The following NASP variants were observed in gnomAD, a reference collection of about 807,000 sequenced individuals.
NASP encodes the protein nuclear autoantigenic sperm protein, also known as NASP histone chaperone.
Under a neutral mutation model 89.5 loss-of-function variants are expected in NASP, and 24 were observed. That is an observed-to-expected ratio of 0.27 (90% CI 0.19 to 0.38). The LOEUF (loss-of-function observed/expected upper bound fraction) is 0.38, where lower values mean the gene tolerates loss of function less well. Among genes scored for constraint, NASP ranks in the 10% least tolerant of loss-of-function variants. The pLI is 1.00. For missense variants in NASP, 848 were observed against 921.4 expected, an observed-to-expected ratio of 0.92 and a Z score of 1.03; for synonymous variants, 306 against 324.7, an observed-to-expected ratio of 0.94 and a Z score of 0.62.
intron 8 of NASP, 49 bp from the exon 9 acceptor site, chr1:45,614,244 G>A (rs1266579263): frequency 1.3e-6 from 2 of 1,592,570 alleles, no homozygotes; most frequent in South Asian, 1.1e-5. Context: ...AAACCAGTTA[G>A]GGTTAGACAG....
In NASP at chr1:45,616,016, A is replaced by G. The variant is rs140233586; in HGVS notation, c.2023-321A>G. Reference sequence around the variant, plus strand: ...AATGTAAGTTGCTATTTCCATCTCCAAGAACTCATTTGCATAAATTAATGA... The same window carrying G: ...AATGTAAGTTGCTATTTCCATCTCCGAGAACTCATTTGCATAAATTAATGA... On this transcript the variant is annotated intron_variant, in intron 11 of 14. Coordinates refer to ENST00000350030, the MANE Select transcript of NASP (RefSeq NM_002482.4). Among the ~76,000 whole-genome samples the G allele has an allele frequency of 1.8e-4, 28 of 152,368 alleles. 1 individual carries two copies. The East Asian group carries it at 5.2e-3, about 28-fold the overall frequency.
At chr1:45,601,743 G>GA (rs1557657071) in intron 2 of NASP, among the ~76,000 whole-genome samples, 1 of 100,156 alleles carries the variant, frequency 1.0e-5, no homozygotes, top group Non-Finnish European at 2.1e-5. Context: ...GCCGTTAAGA[G>GA]AATTTTTTTT....
intron 2 of NASP, 24 bp downstream of exon 2, chr1:45,591,294 A>G: frequency 7.0e-7 from 1 of 1,426,370 alleles, no homozygotes; most frequent in Non-Finnish European, 9.6e-7. Context: ...CATGGTAGTT[A>G]GATTCGTATC....
Position 45,607,764 on chromosome 1 carries a change from A to G in NASP, c.853A>G (p.Thr285Ala). 1 of 1,614,066 alleles carries G rather than the reference A, an allele frequency of 6.2e-7. No individual in the cohort carries two copies. Among genetic ancestry groups the G allele is most frequent in the Non-Finnish European group, 8.5e-7 (1 of 1,180,002 alleles). Residue 285 changes from threonine to alanine, a missense_variant, in exon 6 of 15, where the codon ACT (threonine) becomes GCT (alanine). Around this residue, in one of 5 missense-constraint regions of NASP, gnomAD observed 464 missense variants for 469.4 expected, o/e 0.99. Transcript: ENST00000350030. ...KEVSEEQPVV[T>A]LEKQGTAVEV... ...AGTTTCAGAAGAGCAGCCTGTGGTG[A>G]CTCTAGAAAAGCAGGGCACTGCAGT...
chr1:45,609,778 G>A (rs1405135278), intron 6 of NASP: 1 of 152,176 alleles, frequency 6.6e-6, no homozygotes, highest in Non-Finnish European at 1.5e-5. Context: ...AGGTTTAAAG[G>A]TTACATGACT....
Position 45,591,248 on chromosome 1 carries a change from A to T in NASP, c.85A>T (p.Thr29Ser). 1 of 1,547,744 alleles carries T rather than the reference A, an allele frequency of 6.5e-7. No individual in the cohort carries two copies. The highest frequency in any genetic ancestry group is 2.1e-5 in the Admixed American group (1 of 47,102). Reference sequence around the variant, plus strand: ...AATTGAAGATGTTCCTGCTCCTTCTACATCTGCAGATAAAGTGGAGAGGTA... The same window carrying T: ...AATTGAAGATGTTCCTGCTCCTTCTTCATCTGCAGATAAAGTGGAGAGGTA... ...DKIEDVPAPSTSADKVESLDV... is the reference protein window; with the variant it reads ...DKIEDVPAPSSSADKVESLDV... Residue 29 changes from threonine (T) to serine (S), a missense_variant, in exon 2 of 15, where the codon ACA (threonine) becomes TCA (serine). Physicochemically the swap from Thr to Ser is moderately conservative, Grantham distance 58. Coordinates refer to ENST00000350030, the MANE Select transcript of NASP (RefSeq NM_002482.4).
chr1:45,613,148 C>G (rs924376280), intron 6 of NASP, 21 bp from the exon 7 acceptor site: 10 of 1,597,738 alleles, frequency 6.3e-6, no homozygotes, highest in Non-Finnish European at 7.7e-6. Context: ...ATTCTCAATA[C>G]TGAGGAATTT....
intron 1 of NASP, among the ~76,000 whole-genome samples, chr1:45,587,688 A>ATATATATAT (rs1553169240): frequency 1.5e-3 from 26 of 17,470 alleles, no homozygotes; most frequent in Non-Finnish European, 1.9e-3. Context: ...ATATATATAT[A>ATATATATAT]ATTAATTTTT....
chr1:45,594,765 G>A (rs566492028), intron 2 of NASP: 22 of 453,552 alleles, frequency 4.9e-5, no homozygotes, highest in South Asian at 3.4e-4. Flanking sequence ...TGAAGTGCTG[G>A]GATTACAGGT....
intron 2 of NASP, among the ~76,000 whole-genome samples, chr1:45,595,644 A>C (rs577730786): frequency 6.6e-6 from 1 of 152,364 alleles, no homozygotes; most frequent in East Asian, 1.9e-4. Context: ...GTGATTGTGC[A>C]AAAGTAATGG....
At position 45,608,055 on chromosome 1, in the gene NASP, G is replaced by A. The variant is rs746890849; in HGVS notation, c.1144G>A (p.Gly382Arg). ...TCTCCCTAAGGATGGTGCAGTCAATGGACCGTCAGTTGTAGGAGATCAGAC... is the reference window on the plus strand; with the variant it reads ...TCTCCCTAAGGATGGTGCAGTCAATAGACCGTCAGTTGTAGGAGATCAGAC... ...PVLPKDGAVNGPSVVGDQTPI... is the reference protein window; with the variant it reads ...PVLPKDGAVNRPSVVGDQTPI... Residue 382 changes from glycine to arginine, a missense_variant, in exon 6 of 15, where the codon GGA becomes AGA. Coordinates refer to ENST00000350030, the MANE Select transcript of NASP (RefSeq NM_002482.4). 5 of 1,613,984 alleles carry A rather than the reference G, an allele frequency of 3.1e-6. No homozygotes were observed. Among genetic ancestry groups the A allele is most frequent in the Admixed American group, 1.7e-5 (1 of 60,020 alleles).
intron 3 of NASP, among the ~76,000 whole-genome samples, chr1:45,603,842 C>T (rs1643880452): frequency 6.6e-6 from 1 of 152,134 alleles, no homozygotes; most frequent in African/African-American, 2.4e-5. Flanking sequence ...CGCCCGACCT[C>T]AGGTGATTCA....
Position 45,618,149 on chromosome 1 carries a change from C to G in NASP, c.*8C>G. 1.9e-6 allele frequency: 3 copies of G among 1,578,416 alleles called. No homozygotes were observed. Among genetic ancestry groups the G allele is most frequent in the Non-Finnish European group, 2.6e-6 (3 of 1,159,690 alleles). On this transcript the variant is annotated 3_prime_UTR_variant, in exon 15 of 15. Transcript: ENST00000350030. ...GAAAGCACTGCATGTTAAGAGGGGG[C>G]ACAGCCCTCCTCCCAAGGGAAAGTG...
rs772376577 is a variant in NASP at position 45,607,674 on chromosome 1, A to G, written c.763A>G (p.Arg255Gly). 1.2e-6 allele frequency: 2 copies of G among 1,614,220 alleles called. No individual in the cohort carries two copies. Among genetic ancestry groups the G allele is most frequent in the Non-Finnish European group, 1.7e-6 (2 of 1,180,038 alleles). The change falls in exon 6 of 15, where the codon AGA (arginine) becomes GGA (glycine). Residue 255 changes from arginine (R) to glycine (G), a missense_variant. By Grantham distance (125) the Arg-to-Gly change is moderately radical. Around this residue, in one of 5 missense-constraint regions of NASP, gnomAD observed 464 missense variants for 469.4 expected, o/e 0.99. Coordinates refer to ENST00000350030, the MANE Select transcript of NASP (RefSeq NM_002482.4). ...VSGTDVQEEC[R>G]EKGGQEKQGE... ...TGGAACTGATGTCCAAGAAGAGTGC[A>G]GAGAAAAAGGAGGTCAGGAGAAGCA...
Position 45,615,020 on chromosome 1 carries a change from T to C in NASP, c.1674T>C (p.Tyr558=). Residue 558 remains tyrosine, a synonymous_variant, in exon 10 of 15, where the codon TAT becomes TAC. Coordinates refer to ENST00000350030, the MANE Select transcript of NASP (RefSeq NM_002482.4). Reference sequence around the variant, plus strand: ...TCTTTTTCTCTTTGTTAGAAAACTATGTGCAAGCTGTGGAGGAGTTCCAGT... The same window carrying C: ...TCTTTTTCTCTTTGTTAGAAAACTACGTGCAAGCTGTGGAGGAGTTCCAGT... ...LGEVSVESEN[Y]VQAVEEFQSC... 1.9e-6 allele frequency: 3 copies of C among 1,608,250 alleles called. No individual in the cohort carries two copies. The highest frequency in any genetic ancestry group is 2.5e-6 in the Non-Finnish European group (3 of 1,178,204).
In NASP at chr1:45,613,256, G is replaced by T; in HGVS notation, c.1506+8G>T. The stretch of plus-strand genomic sequence containing the variant: ...TCAGTCCTTGAAAACAAGGTATGTT[G>T]TTAGCCACTCAGTACTGTTGTCAGC... On this transcript the variant is annotated splice_region_variant and intron_variant, in intron 7 of 14. Transcript: ENST00000350030. The T allele has an allele frequency of 6.2e-7, 1 of 1,608,200 alleles. No homozygotes were observed. Among genetic ancestry groups the T allele is most frequent in the Non-Finnish European group, 8.5e-7 (1 of 1,177,396 alleles).
chr1:45,593,643 A>T (rs1643610121), intron 2 of NASP, among the ~76,000 whole-genome samples: 1 of 150,598 alleles, frequency 6.6e-6, no homozygotes, highest in Non-Finnish European at 1.5e-5. Flanking sequence ...AAATTAAATG[A>T]GTGCTGGCAA....
At chr1:45,600,465 C>T in intron 2 of NASP, 1 of 1,189,566 alleles carries the variant, frequency 8.4e-7, no homozygotes, top group Non-Finnish European at 1.1e-6. Flanking sequence ...ACAGTAAGTA[C>T]TGTTTCTTTT....
In NASP at chr1:45,607,527, T is replaced by C. The variant is rs767657543; in HGVS notation, c.616T>C (p.Leu206=). 2.5e-6 allele frequency: 4 copies of C among 1,613,968 alleles called. No individual in the cohort carries two copies. The highest frequency in any genetic ancestry group is 1.7e-5 in the Admixed American group (1 of 60,010). ...AAAAGTTGACTTGACTCTAGATTGG[T>C]TAACTGAAACCTCTGAAGAGGCAAA... The part of the protein sequence containing the change: ...QEKVDLTLDW[L]TETSEEAKGG... The change falls in exon 6 of 15, where the codon TTA becomes CTA. Residue 206 remains leucine (L), a synonymous_variant. Coordinates refer to ENST00000350030, the MANE Select transcript of NASP (RefSeq NM_002482.4).
Sources: gnomAD v4.1 joint callset for allele counts (sites outside exome capture counted in the v4.1 genomes callset) on GRCh38, gnomAD v4.1.1 for gene constraint, gnomAD v4.1.1 regional missense constraint, MANE v1.5 for transcripts, NCBI Gene and HGNC (gene_info 2026-07-23, HGNC 2026-07-21) for gene names.